The following BABAM2 variants were observed in gnomAD, a reference collection of about 807,000 sequenced individuals.
BABAM2 encodes BRISC and BRCA1 A complex member 2, also known as BRISC and BRCA1-A complex member 2.
A neutral mutation model predicts 54.7 loss-of-function variants in BABAM2; 31 were observed. The observed-to-expected ratio is 0.57, with a 90% CI of 0.43 to 0.77. BABAM2 has a LOEUF of 0.77. Ranked by LOEUF, BABAM2 falls within the 30% of genes least tolerant of loss-of-function variation. The probability of loss-of-function intolerance (pLI) is 0.00; values close to 1 mark genes in which losing one functional copy is unlikely to be tolerated. For missense variants in BABAM2, 364 were observed against 455.8 expected (o/e 0.80, Z 1.83); for synonymous variants, 167 against 162.9 (o/e 1.03, Z -0.19).
At chr2:28,056,979 A>G (rs926605084) in intron 6 of BABAM2, among the ~76,000 whole-genome samples, 2 of 152,244 alleles carry the variant, frequency 1.3e-5, no homozygotes, top group African/African-American at 4.8e-5. Context: ...GTAATTTACT[A>G]GAATGCAATT....
At chr2:28,179,673 G>A (rs1051519121) in intron 7 of BABAM2, among the ~76,000 whole-genome samples, 1 of 152,156 alleles carries the variant, frequency 6.6e-6, no homozygotes, top group African/African-American at 2.4e-5. Flanking sequence ...AATCAGAAAA[G>A]AGGAAGTTAA....
At chr2:27,962,879 C>A (rs952481027) in intron 3 of BABAM2, among the ~76,000 whole-genome samples, 4 of 152,138 alleles carry the variant, frequency 2.6e-5, no homozygotes, top group Non-Finnish European at 5.9e-5. Flanking sequence ...TAGCTACTAT[C>A]ATTAAAAAGA....
intron 2 of BABAM2, among the ~76,000 whole-genome samples, chr2:27,912,978 G>A (rs1233700376): frequency 6.6e-6 from 1 of 152,008 alleles, no homozygotes. Context: ...AGATGAATAG[G>A]GAGATTAGAA....
At chr2:28,094,951 T>C (rs532964502) in intron 6 of BABAM2, among the ~76,000 whole-genome samples, 231 of 151,872 alleles carry the variant, frequency 1.5e-3, no homozygotes, top group African/African-American at 5.4e-3. Context: ...TATTATGTGT[T>C]GTATCATAGC....
In BABAM2 at chr2:28,203,878, T is replaced by G. The variant is rs62139106; in HGVS notation, c.681-33324T>G. On this transcript the variant is annotated intron_variant, in intron 7 of 11. Transcript: ENST00000379624. ...TGAACATCCTTAGAGCACTGCCAGA[T>G]TGCCCTTCCGGAAAGGCTGCGCCAG... 7.3e-3 allele frequency among the ~76,000 whole-genome samples: 1,114 copies of G among 152,300 alleles called. 3 individuals carry two copies. The highest frequency in any genetic ancestry group is 0.012 in the Non-Finnish European group (845 of 68,016).
At chr2:28,058,505 A>G (rs2148634842) in intron 6 of BABAM2, among the ~76,000 whole-genome samples, 1 of 151,924 alleles carries the variant, frequency 6.6e-6, no homozygotes, top group South Asian at 2.1e-4. Flanking sequence ...CTTAATATCA[A>G]GGCTTCAGGT....
chr2:28,044,486 C>G (rs1351697908), intron 5 of BABAM2, among the ~76,000 whole-genome samples: 2 of 152,194 alleles, frequency 1.3e-5, no homozygotes, highest in Non-Finnish European at 2.9e-5. Flanking sequence ...CTGCATTGGC[C>G]TCCCAAAGTG....
chr2:28,141,922 T>G (rs1390056872), intron 7 of BABAM2, among the ~76,000 whole-genome samples: 1 of 152,184 alleles, frequency 6.6e-6, no homozygotes, highest in Non-Finnish European at 1.5e-5. Flanking sequence ...GTATGTTATG[T>G]CCACAGCATG....
intron 9 of BABAM2, among the ~76,000 whole-genome samples, chr2:28,244,420 A>ATGT (rs200250259): frequency 0.014 from 2,130 of 151,294 alleles, 22 homozygotes; most frequent in Non-Finnish European, 0.021. Context: ...CTCATAATTA[A>ATGT]TGTAATAACT....
chr2:28,167,713 T>A (rs1295235262), intron 7 of BABAM2, among the ~76,000 whole-genome samples: 16 of 150,258 alleles, frequency 1.1e-4, no homozygotes, highest in Admixed American at 2.7e-4. Context: ...AATAAATAAA[T>A]AAATAAATAA....
At chr2:27,919,617 T>C (rs1356117691) in intron 2 of BABAM2, among the ~76,000 whole-genome samples, 2 of 152,234 alleles carry the variant, frequency 1.3e-5, no homozygotes, top group African/African-American at 4.8e-5. Flanking sequence ...AATTTCCTCT[T>C]ATTCTCTTAG....
intron 4 of BABAM2, among the ~76,000 whole-genome samples, chr2:27,997,351 T>C (rs1395692944): frequency 6.6e-6 from 1 of 152,194 alleles, no homozygotes. Flanking sequence ...CTGGTTTGTG[T>C]GTTGATGAAC....
At position 28,207,486 on chromosome 2, in the gene BABAM2, A is replaced by G. The variant is rs576569208; in HGVS notation, c.681-29716A>G. Among the ~76,000 whole-genome samples, 696 of 151,704 alleles carry G rather than the reference A, an allele frequency of 4.6e-3. 3 individuals carry two copies. Among genetic ancestry groups the G allele is most frequent in the African/African-American group, 0.016 (674 of 41,012 alleles). ...TGAGGTGGGAAAATCACCTGAGCCC[A>G]GGGATTCTTGATTGCACCACTGCAC... On this transcript the variant is annotated intron_variant, in intron 7 of 11. Coordinates refer to ENST00000379624, the MANE Select transcript of BABAM2 (RefSeq NM_199191.3).
intron 6 of BABAM2, among the ~76,000 whole-genome samples, chr2:28,105,282 A>G (rs2148714982): frequency 6.6e-6 from 1 of 152,344 alleles, no homozygotes; most frequent in East Asian, 1.9e-4. Flanking sequence ...GGTAGATTAA[A>G]TAATGTCCCT....
chr2:28,116,260 A>G (rs1668605117), intron 6 of BABAM2, among the ~76,000 whole-genome samples: 1 of 152,214 alleles, frequency 6.6e-6, no homozygotes, highest in South Asian at 2.1e-4. Flanking sequence ...GGGCCTTCCC[A>G]TAGACAGTTC....
chr2:28,209,650 T>TGTGTGACGA (rs1679244444), intron 7 of BABAM2, among the ~76,000 whole-genome samples: 1 of 152,166 alleles, frequency 6.6e-6, no homozygotes, highest in Non-Finnish European at 1.5e-5. Context: ...TGGACACCCA[T>TGTGTGACGA]GTGTCAGACA....
At chr2:28,225,403 C>G (rs935676950) in intron 7 of BABAM2, among the ~76,000 whole-genome samples, 6 of 152,272 alleles carry the variant, frequency 3.9e-5, no homozygotes, top group Admixed American at 3.9e-4. Context: ...GCATCAGAAT[C>G]GAAAGGAGGA....
chr2:28,194,575 C>CTT (rs10684650), intron 7 of BABAM2, among the ~76,000 whole-genome samples: 56,069 of 99,330 alleles, frequency 0.56, 18,447 homozygotes, highest in Non-Finnish European at 0.64. Flanking sequence ...ACAACGTAGA[C>CTT]TTTTTTTTTT....
At chr2:28,306,778 C>A (rs553448948) in intron 11 of BABAM2, among the ~76,000 whole-genome samples, 1 of 151,796 alleles carries the variant, frequency 6.6e-6, no homozygotes, top group South Asian at 2.1e-4. Flanking sequence ...CTCATGGCAA[C>A]CTCCACCTCC....
Sources: allele counts gnomAD v4.1 joint callset (sites outside exome capture counted in the v4.1 genomes callset), GRCh38; gene constraint gnomAD v4.1.1; transcripts MANE v1.5; gene names NCBI Gene and HGNC (gene_info 2026-07-23, HGNC 2026-07-21).